Variants in MAP2 observed in about 807,000 individuals in gnomAD.
MAP2 encodes microtubule-associated protein 2.
In MAP2, 14 loss-of-function variants were observed where a neutral mutation model predicts 137.6. The observed-to-expected ratio is 0.10, with a 90% CI of 0.07 to 0.16. MAP2 has a LOEUF of 0.16. Ranked by LOEUF, MAP2 falls within the 10% of genes least tolerant of loss-of-function variation. The pLI, the probability that MAP2 is intolerant of heterozygous loss-of-function variation, is 1.00. For missense variants in MAP2, 2,088 were observed against 2,191.5 expected (o/e 0.95, Z 0.94); for synonymous variants, 786 against 782.3 (o/e 1.00, Z -0.08).
At chr2:209,504,782 A>G (rs1050549642) in intron 1 of MAP2, among the ~76,000 whole-genome samples, 2 of 152,184 alleles carry the variant, frequency 1.3e-5, no homozygotes, top group African/African-American at 4.8e-5. Context: ...TTAGATATAA[A>G]TCACAATCCC....
At chr2:209,429,754 T>C (rs1169313367) in intron 1 of MAP2, among the ~76,000 whole-genome samples, 1 of 152,154 alleles carries the variant, frequency 6.6e-6, no homozygotes, top group East Asian at 1.9e-4. Context: ...CCCTTTACAT[T>C]TATTTAAGTA....
At chr2:209,501,485 A>G (rs2060373920) in intron 1 of MAP2, among the ~76,000 whole-genome samples, 2 of 152,130 alleles carry the variant, frequency 1.3e-5, no homozygotes, top group Non-Finnish European at 2.9e-5. Flanking sequence ...GAGCTTTACC[A>G]ATTAACTCAA....
chr2:209,514,090 C>T (rs778708031), intron 2 of MAP2, among the ~76,000 whole-genome samples: 1 of 152,018 alleles, frequency 6.6e-6, no homozygotes, highest in Non-Finnish European at 1.5e-5. Flanking sequence ...AAGTAGTAAA[C>T]AAATAATTGG....
chr2:209,518,194 T>G (rs9917164), intron 2 of MAP2, among the ~76,000 whole-genome samples: 33,993 of 151,948 alleles, frequency 0.22, 5,091 homozygotes, highest in African/African-American at 0.42. Flanking sequence ...TGTGAATGCT[T>G]TAAATGTATT....
chr2:209,609,854 T>C lies in MAP2; in HGVS notation c.-106-15199T>C, dbSNP rs572172192. ...TGGTATTCCTAGACTTACATAGTTA[T>C]TGTATTTCTTATTATTTTAGATGCT... On this transcript the variant is annotated intron_variant, in intron 3 of 15. Transcript: ENST00000682079. Among the ~76,000 whole-genome samples, 17 of 152,304 alleles carry C rather than the reference T, an allele frequency of 1.1e-4. No individual in the cohort carries two copies. In the South Asian group the frequency reaches 3.1e-3, roughly 28 times the overall value.
At chr2:209,434,074 G>A (rs1455280359) in intron 1 of MAP2, among the ~76,000 whole-genome samples, 3 of 151,990 alleles carry the variant, frequency 2.0e-5, no homozygotes, top group Admixed American at 1.3e-4. Flanking sequence ...GTAAATGAGC[G>A]GATCCAGTTT....
intron 1 of MAP2, among the ~76,000 whole-genome samples, chr2:209,439,734 G>A (rs974931206): frequency 1.5e-4 from 22 of 151,444 alleles, no homozygotes; most frequent in South Asian, 1.2e-3. Flanking sequence ...TTTGAGAACC[G>A]TTAGAAAGTA....
At chr2:209,570,878 G>T (rs990731490) in intron 2 of MAP2, among the ~76,000 whole-genome samples, 3 of 151,886 alleles carry the variant, frequency 2.0e-5, no homozygotes, top group Non-Finnish European at 4.4e-5. Flanking sequence ...AAGCATCTTA[G>T]CTGTCCATTC....
Position 209,734,071 on chromosome 2 carries a change from G to C in MAP2, c.*3674G>C, listed in dbSNP as rs1324826582. 6.6e-6 allele frequency: 1 copy of C among 152,494 alleles called. No individual in the cohort carries two copies. The highest frequency in any genetic ancestry group is 2.4e-5 in the African/African-American group (1 of 41,402). 9.4% of individuals were successfully genotyped at this position (152,494 alleles called of 1,614,324 possible). A position where few individuals can be genotyped will look rare whatever the true frequency, so the allele number is the denominator to read the frequency against. ...CAAATTTGCAAATGTATTTGTTGCT[G>C]TATAGTGATTGTTTTGCAAAATAAA... On this transcript the variant is annotated 3_prime_UTR_variant, in exon 16 of 16. Coordinates refer to ENST00000682079, the MANE Select transcript of MAP2 (RefSeq NM_001375505.1).
rs1012167651 is a variant in MAP2, at chr2:209,694,090, C to T, written c.1920C>T (p.Leu640=). The change falls in exon 8 of 16, where the codon CTC becomes CTT. Residue 640 remains leucine (L), a synonymous_variant. Transcript: ENST00000682079. ...PPAQEAGYST[L]AQSYPSDLPE... ...CACAAGAAGCAGGGTACAGCACTCT[C>T]GCACAGAGTTATCCATCAGATTTAC... is the stretch of plus-strand genomic sequence containing the variant. 1.4e-5 allele frequency: 23 copies of T among 1,613,494 alleles called. No homozygotes were observed. The highest frequency in any genetic ancestry group is 4.0e-5 in the African/African-American group (3 of 74,872).
intron 1 of MAP2, among the ~76,000 whole-genome samples, chr2:209,460,968 T>G (rs2149588938): frequency 6.6e-6 from 1 of 152,168 alleles, no homozygotes. Context: ...AGGCTGCTCT[T>G]GAACTCCTGG....
intron 1 of MAP2, among the ~76,000 whole-genome samples, chr2:209,488,405 C>T (rs924000138): frequency 4.6e-5 from 7 of 151,888 alleles, no homozygotes; most frequent in Non-Finnish European, 5.9e-5. Flanking sequence ...TTTTTCATAC[C>T]CCAGTGGCAC....
chr2:209,669,682 G>T (rs2153659350), intron 5 of MAP2, among the ~76,000 whole-genome samples: 1 of 151,940 alleles, frequency 6.6e-6, no homozygotes, highest in Non-Finnish European at 1.5e-5. Context: ...CCCTAGCCTT[G>T]CTCCTTGTGC....
At chr2:209,563,433 C>A (rs142354813) in intron 2 of MAP2, among the ~76,000 whole-genome samples, 2 of 152,288 alleles carry the variant, frequency 1.3e-5, no homozygotes, top group East Asian at 3.9e-4. Context: ...CCTTAGTAAG[C>A]ACCTTATAAA....
rs550357352 is a variant in MAP2 at position 209,473,467 on chromosome 2, A to C, written c.-221-34125A>C. 9.9e-5 allele frequency among the ~76,000 whole-genome samples: 15 copies of C among 152,234 alleles called. 1 individual carries two copies. The South Asian group carries it at 3.1e-3, about 32-fold the overall frequency. The stretch of plus-strand genomic sequence containing the variant: ...TCTACAGCAGGACCTAGGAGGTAGA[A>C]GGAGGTATAGTACCCTATATATTTA... On this transcript the variant is annotated intron_variant, in intron 1 of 15. Coordinates refer to ENST00000682079, the MANE Select transcript of MAP2 (RefSeq NM_001375505.1).
At chr2:209,709,870 A>C (rs1332976269) in intron 12 of MAP2, 44 bp from the exon 13 acceptor site, 1 of 1,412,246 alleles carries the variant, frequency 7.1e-7, no homozygotes, top group Non-Finnish European at 9.9e-7. Context: ...TTTGAGGAGA[A>C]TTGTCTGACT....
intron 2 of MAP2, among the ~76,000 whole-genome samples, chr2:209,539,383 G>T (rs1264452141): frequency 6.6e-6 from 1 of 152,108 alleles, no homozygotes; most frequent in Non-Finnish European, 1.5e-5. Flanking sequence ...CCACTCTTTT[G>T]ACCTAATTTA....
At chr2:209,494,195 A>G (rs2059465143) in intron 1 of MAP2, among the ~76,000 whole-genome samples, 1 of 152,252 alleles carries the variant, frequency 6.6e-6, no homozygotes, top group Admixed American at 6.5e-5. Flanking sequence ...AGAAAACCAA[A>G]CACCACACAT....
At chr2:209,467,670 A>G (rs960839748) in intron 1 of MAP2, among the ~76,000 whole-genome samples, 10 of 152,180 alleles carry the variant, frequency 6.6e-5, no homozygotes, top group Admixed American at 6.5e-4. Flanking sequence ...TCCTTGGAGT[A>G]AGAATTATTT....
Sources: gnomAD v4.1 joint callset for allele counts (sites outside exome capture counted in the v4.1 genomes callset) on GRCh38, gnomAD v4.1.1 for gene constraint, MANE v1.5 for transcripts, NCBI Gene and HGNC (gene_info 2026-07-23, HGNC 2026-07-21) for gene names.